AHCTF1: variants seen among roughly 807,000 people sequenced by gnomAD.
AHCTF1 encodes the protein AT-hook containing transcription factor 1.
AHCTF1 carries 24 observed loss-of-function variants against 248.4 expected under a neutral mutation model. That is an observed-to-expected ratio of 0.10 (90% CI 0.07 to 0.14). The LOEUF is 0.14. AHCTF1 is among the 10% of genes least tolerant of loss of function. The pLI is 1.00. For missense variants in AHCTF1, 2,206 were observed against 2,636.2 expected (o/e 0.84, Z 3.57); for synonymous variants, 786 against 929.8 (o/e 0.85, Z 2.81).
At chr1:246,868,874 T>C (rs1458709023) in intron 24 of AHCTF1, among the ~76,000 whole-genome samples, 105 of 147,948 alleles carry the variant, frequency 7.1e-4, no homozygotes, top group African/African-American at 2.5e-3. Flanking sequence ...AGATGGAGTC[T>C]CGCTCTGTCA....
At chr1:246,917,241 T>C (rs1666212339) in intron 2 of AHCTF1, among the ~76,000 whole-genome samples, 3 of 152,188 alleles carry the variant, frequency 2.0e-5, no homozygotes, top group Admixed American at 1.3e-4. Flanking sequence ...GGAGAACTAA[T>C]TGGATTTCCT....
chr1:246,893,758 G>A (rs1266498397), intron 14 of AHCTF1, among the ~76,000 whole-genome samples: 2 of 152,186 alleles, frequency 1.3e-5, no homozygotes, highest in African/African-American at 2.4e-5. Flanking sequence ...AAACTTCTGA[G>A]GGTTACCTAG....
rs771930103 is a variant in AHCTF1 at position 246,839,638 on chromosome 1, A to G, written c.*1168T>C. 1.2e-6 allele frequency: 1 copy of G among 825,702 alleles called. No individual in the cohort carries two copies. Among genetic ancestry groups the G allele is most frequent in the South Asian group, 5.5e-5 (1 of 18,172 alleles). 51.1% of individuals were successfully genotyped at this position (825,702 alleles called of 1,614,324 possible). A position where few individuals can be genotyped will look rare whatever the true frequency, so the allele number is the denominator to read the frequency against. ...TTATTTGGTAGAAAAATAAATGCAGAAAGCACACTGCATATGCTTCACATT... is the reference window on the plus strand; with the variant it reads ...TTATTTGGTAGAAAAATAAATGCAGGAAGCACACTGCATATGCTTCACATT... On this transcript the variant is annotated 3_prime_UTR_variant, in exon 36 of 36. Transcript: ENST00000648844.
At chr1:246,927,727 G>A (rs1410472370) in intron 1 of AHCTF1, among the ~76,000 whole-genome samples, 3 of 152,344 alleles carry the variant, frequency 2.0e-5, no homozygotes, top group Admixed American at 6.5e-5. Flanking sequence ...GTTCATGGCC[G>A]GGCGCGGTAG....
intron 29 of AHCTF1, 127 bp downstream of exon 29, chr1:246,860,772 C>G: frequency 2.3e-6 from 3 of 1,283,078 alleles, no homozygotes; most frequent in Non-Finnish European, 3.2e-6. Flanking sequence ...TCCCAAAGTG[C>G]TGAGATTAAC....
intron 24 of AHCTF1, 83 bp downstream of exon 24, chr1:246,875,954 A>T: frequency 3.0e-6 from 4 of 1,345,612 alleles, no homozygotes; most frequent in Non-Finnish European, 4.0e-6. Context: ...AAAGTAGCTA[A>T]ATTTAAGGTG....
Position 246,867,671 on chromosome 1 carries a change from G to A in AHCTF1, c.3229C>T (p.Pro1077Ser), listed in dbSNP as rs1211499285. The A allele has an allele frequency of 1.2e-6, 2 of 1,611,652 alleles. 1 individual carries two copies. Among genetic ancestry groups the A allele is most frequent in the African/African-American group, 2.7e-5 (2 of 74,812 alleles). The change falls in exon 25 of 36, where the codon CCT becomes TCT. Residue 1077 changes from proline to serine, a missense_variant. Physicochemically the swap from Pro to Ser is moderately conservative, Grantham distance 74. Transcript: ENST00000648844. ...ASKEPINSTT[P>S]FNSSKIEEPS... ...TGTAAGAAAACATACCTATTGAAAG[G>A]TGTGGTGCTATTTATAGGTTCTTTG...
At chr1:246,855,128 T>C (rs1213970269) in intron 31 of AHCTF1, among the ~76,000 whole-genome samples, 1 of 152,220 alleles carries the variant, frequency 6.6e-6, no homozygotes, top group Non-Finnish European at 1.5e-5. Flanking sequence ...ATAACAACTA[T>C]GTCATAGTAT....
chr1:246,867,121 AGC>A, intron 26 of AHCTF1, 121 bp downstream of exon 26: 1 of 586,056 alleles, frequency 1.7e-6, no homozygotes, highest in Admixed American at 3.6e-5. Flanking sequence ...TATAATAAAA[AGC>A]AAACATTAAA....
intron 21 of AHCTF1, among the ~76,000 whole-genome samples, chr1:246,882,230 C>T (rs1663495223): frequency 6.6e-6 from 1 of 151,778 alleles, no homozygotes; most frequent in East Asian, 2.0e-4. Context: ...ATCTCCTGAC[C>T]TCGTGATCCA....
intron 7 of AHCTF1, 113 bp downstream of exon 7, chr1:246,903,836 T>C (rs1665188269): frequency 2.7e-6 from 2 of 749,642 alleles, no homozygotes; most frequent in Non-Finnish European, 3.9e-6. Context: ...AGACTCTGTC[T>C]CAAAAAAAAA....
intron 31 of AHCTF1, among the ~76,000 whole-genome samples, chr1:246,854,768 C>T (rs1660988886): frequency 2.0e-5 from 3 of 152,066 alleles, no homozygotes; most frequent in Admixed American, 6.5e-5. Context: ...AATAGAGACA[C>T]AGCCCTTAAG....
chr1:246,869,338 C>T (rs1039070500), intron 24 of AHCTF1, among the ~76,000 whole-genome samples: 42 of 152,152 alleles, frequency 2.8e-4, no homozygotes, highest in African/African-American at 9.7e-4. Flanking sequence ...CCTACAAAGA[C>T]CTCAAGTGTT....
At chr1:246,897,096 T>C (rs532269794) in intron 12 of AHCTF1, among the ~76,000 whole-genome samples, 1 of 152,212 alleles carries the variant, frequency 6.6e-6, no homozygotes, top group East Asian at 1.9e-4. Context: ...GGCAGATCAC[T>C]TGAGGTCAGG....
At chr1:246,899,791 T>C (rs1296095850) in intron 10 of AHCTF1, among the ~76,000 whole-genome samples, 1 of 152,166 alleles carries the variant, frequency 6.6e-6, no homozygotes, top group Non-Finnish European at 1.5e-5. Flanking sequence ...GCACCAGATG[T>C]GAAACAGTTA....
At chr1:246,898,950 G>A (rs993544802) in intron 11 of AHCTF1, among the ~76,000 whole-genome samples, 5 of 152,142 alleles carry the variant, frequency 3.3e-5, no homozygotes, top group South Asian at 2.1e-4. Flanking sequence ...TTAGCCGGGC[G>A]TGGTGGTGAG....
intron 3 of AHCTF1, among the ~76,000 whole-genome samples, chr1:246,914,958 A>C (rs988959571): frequency 2.0e-5 from 3 of 152,218 alleles, no homozygotes; most frequent in African/African-American, 7.2e-5. Context: ...GAATGGCAAT[A>C]GTCTACTTGT....
At chr1:246,899,392 T>C (rs1340061649) in intron 11 of AHCTF1, 59 bp downstream of exon 11, 2 of 1,363,716 alleles carry the variant, frequency 1.5e-6, no homozygotes, top group Non-Finnish European at 2.0e-6. Flanking sequence ...AATCCATAAA[T>C]CAACTATATT....
chr1:246,901,488 G>A (rs940699104), intron 8 of AHCTF1, among the ~76,000 whole-genome samples: 11 of 152,328 alleles, frequency 7.2e-5, no homozygotes, highest in Admixed American at 2.0e-4. Context: ...GCTGGGCATG[G>A]TGGCGGGTGC....
Sources: gnomAD v4.1 joint callset for allele counts (sites outside exome capture counted in the v4.1 genomes callset) on GRCh38, gnomAD v4.1.1 for gene constraint, MANE v1.5 for transcripts, NCBI Gene and HGNC (gene_info 2026-07-23, HGNC 2026-07-21) for gene names.